The following RPS6KA2 variants were observed in gnomAD, a reference collection of about 807,000 sequenced individuals.
The protein encoded by RPS6KA2 is ribosomal protein S6 kinase alpha-2.
A neutral mutation model predicts 91.8 loss-of-function variants in RPS6KA2; 42 were observed. The ratio of observed to expected loss-of-function variants is 0.46; its 90% CI spans 0.36 to 0.59. The LOEUF is 0.59. Ranked by LOEUF, RPS6KA2 falls within the 20% of genes least tolerant of loss-of-function variation. RPS6KA2 has a pLI of 0.00. For missense variants in RPS6KA2, 798 were observed against 978.5 expected (o/e 0.82, Z 2.46); for synonymous variants, 414 against 393.6 (o/e 1.05, Z -0.61).
At chr6:166,861,984 A>G (rs1374858935) in intron 1 of RPS6KA2, 20 of 1,261,790 alleles carry the variant, frequency 1.6e-5, no homozygotes, top group Middle Eastern at 1.9e-4. Flanking sequence ...CTGGATAGCC[A>G]ACTCTCTGAC....
intron 2 of RPS6KA2, among the ~76,000 whole-genome samples, chr6:166,537,359 C>T (rs983826348): frequency 2.6e-5 from 4 of 152,274 alleles, no homozygotes; most frequent in East Asian, 3.8e-4. Flanking sequence ...TGTCACATTA[C>T]GCAGGCTCTG....
chr6:166,764,526 A>T (rs922376044), intron 2 of RPS6KA2, among the ~76,000 whole-genome samples: 1 of 152,024 alleles, frequency 6.6e-6, no homozygotes, highest in African/African-American at 2.4e-5. Flanking sequence ...GAAGGCGGGC[A>T]GGGGTGGTTG....
chr6:166,599,027 T>C (rs1785639233), intron 1 of RPS6KA2, among the ~76,000 whole-genome samples: 1 of 152,196 alleles, frequency 6.6e-6, no homozygotes, highest in South Asian at 2.1e-4. Context: ...GGTTCGGTGA[T>C]CAAAATCTCT....
At chr6:166,727,205 C>T (rs1220128836) in intron 2 of RPS6KA2, among the ~76,000 whole-genome samples, 2 of 152,004 alleles carry the variant, frequency 1.3e-5, no homozygotes, top group Non-Finnish European at 1.5e-5. Context: ...CCTCACATGT[C>T]GTTCAACAGG....
chr6:166,503,293 A>G lies in RPS6KA2; in HGVS notation c.566+1213T>C, dbSNP rs909129273. Among the ~76,000 whole-genome samples, 3 of 152,262 alleles carry G rather than the reference A, an allele frequency of 2.0e-5. No individual in the cohort carries two copies. In the East Asian group the frequency reaches 5.8e-4, roughly 29 times the overall value. ...GTGGTGAAGTCAGATCATCAAGCAC[A>G]TGGGCAAATGCATTTTGCATCCTGC... On this transcript the variant is annotated intron_variant, in intron 6 of 20. Transcript: ENST00000265678.
At chr6:166,509,869 A>T (rs1222389729) in intron 4 of RPS6KA2, among the ~76,000 whole-genome samples, 2 of 152,228 alleles carry the variant, frequency 1.3e-5, no homozygotes, top group African/African-American at 4.8e-5. Flanking sequence ...TACTATCTTT[A>T]AACATGATAT....
At chr6:166,444,689 G>A (rs998430921) in intron 14 of RPS6KA2, among the ~76,000 whole-genome samples, 2 of 152,356 alleles carry the variant, frequency 1.3e-5, no homozygotes, top group East Asian at 3.9e-4. Context: ...CCCAGTGAAG[G>A]ATCTTGGACG....
chr6:166,515,334 G>C (rs1234279366), intron 3 of RPS6KA2, among the ~76,000 whole-genome samples: 2 of 152,212 alleles, frequency 1.3e-5, no homozygotes, highest in African/African-American at 2.4e-5. Flanking sequence ...CCCCCGGGAG[G>C]GGCCCGCAGC....
At chr6:166,814,237 T>C (rs995904858) in intron 2 of RPS6KA2, among the ~76,000 whole-genome samples, 1 of 152,240 alleles carries the variant, frequency 6.6e-6, no homozygotes, top group Non-Finnish European at 1.5e-5. Context: ...GTGTTGGCTA[T>C]ATTAACCAGT....
intron 2 of RPS6KA2, among the ~76,000 whole-genome samples, chr6:166,802,133 G>A (rs1779382353): frequency 6.6e-6 from 1 of 152,006 alleles, no homozygotes. Flanking sequence ...AGCCAGGCGT[G>A]GTGGTGGGCG....
chr6:166,586,518 T>C (rs1785179447), intron 1 of RPS6KA2: 3 of 1,559,606 alleles, frequency 1.9e-6, no homozygotes, highest in Non-Finnish European at 2.6e-6. Flanking sequence ...TATTGCTTAA[T>C]GTTTAGGTTG....
At chr6:166,721,383 T>TA (rs944894111) in intron 2 of RPS6KA2, among the ~76,000 whole-genome samples, 10 of 152,324 alleles carry the variant, frequency 6.6e-5, no homozygotes, top group South Asian at 2.1e-4. Context: ...AGCACAGGCC[T>TA]AGCCCAGACA....
chr6:166,772,177 C>T (rs948189944), intron 2 of RPS6KA2, among the ~76,000 whole-genome samples: 3 of 149,180 alleles, frequency 2.0e-5, no homozygotes, highest in Non-Finnish European at 4.4e-5. Context: ...GCCCTTCTCC[C>T]CTCCTGGCAA....
At chr6:166,582,661 G>C (rs1344505433) in intron 1 of RPS6KA2, among the ~76,000 whole-genome samples, 2 of 152,144 alleles carry the variant, frequency 1.3e-5, no homozygotes, top group Non-Finnish European at 2.9e-5. Context: ...CACAGAAAAA[G>C]TGCCAAAAAA....
chr6:166,772,700 TG>T (rs994559229), intron 2 of RPS6KA2, among the ~76,000 whole-genome samples: 3 of 152,214 alleles, frequency 2.0e-5, no homozygotes, highest in Non-Finnish European at 2.9e-5. Flanking sequence ...TCAAAGGAAG[TG>T]CCCCACAGAT....
intron 1 of RPS6KA2, among the ~76,000 whole-genome samples, chr6:166,609,701 T>C (rs553591306): frequency 1.8e-4 from 27 of 152,228 alleles, no homozygotes; most frequent in South Asian, 6.2e-4. Context: ...GGCTTCACCA[T>C]GTTGGTCAGG....
chr6:166,692,112 G>A lies in RPS6KA2; in HGVS notation c.124-153328C>T, dbSNP rs575320519. Among the ~76,000 whole-genome samples, 4 of 152,216 alleles carry A rather than the reference G, an allele frequency of 2.6e-5. No individual in the cohort carries two copies. The East Asian group carries it at 7.7e-4, about 29-fold the overall frequency. ...ATTAAATGACATGGAAGAGGAAGAA[G>A]CAGAGAAGTGGACGTGTGGGTTCTC... On this transcript the variant is annotated intron_variant, in intron 2 of 21. Transcript: ENST00000503859.
At chr6:166,765,970 A>C (rs1778301175) in intron 2 of RPS6KA2, among the ~76,000 whole-genome samples, 1 of 152,226 alleles carries the variant, frequency 6.6e-6, no homozygotes, top group Non-Finnish European at 1.5e-5. Flanking sequence ...CCCGCTTTCT[A>C]GTTCACTGAA....
At chr6:166,436,474 C>A (rs916769665) in intron 14 of RPS6KA2, among the ~76,000 whole-genome samples, 24 of 152,190 alleles carry the variant, frequency 1.6e-4, no homozygotes, top group African/African-American at 5.8e-4. Context: ...GCTCTCAATG[C>A]CAAAGAGCTG....
Sources: allele counts gnomAD v4.1 joint callset (sites outside exome capture counted in the v4.1 genomes callset), GRCh38; gene constraint gnomAD v4.1.1; transcripts MANE v1.5; gene names NCBI Gene and HGNC (gene_info 2026-07-23, HGNC 2026-07-21).